IL1RAPL1: variants seen among roughly 807,000 people sequenced by gnomAD.
IL1RAPL1 encodes the protein interleukin 1 receptor accessory protein like 1.
IL1RAPL1 carries 3 observed loss-of-function variants against 48.4 expected under a neutral mutation model. The ratio of observed to expected loss-of-function variants is 0.06; its 90% CI spans 0.03 to 0.16. The LOEUF (loss-of-function observed/expected upper bound fraction) is 0.16. Among genes scored for constraint, IL1RAPL1 ranks in the 10% least tolerant of loss-of-function variants. IL1RAPL1 has a pLI of 1.00. For missense variants in IL1RAPL1, 349 were observed against 530.6 expected, an observed-to-expected ratio of 0.66 and a Z score of 3.36; for synonymous variants, 185 against 187.7, an observed-to-expected ratio of 0.99 and a Z score of 0.12.
intron 2 of IL1RAPL1, among the ~76,000 whole-genome samples, chrX:29,180,945 G>A (rs1294621724): frequency 1.8e-5 from 2 of 112,000 alleles, no homozygotes; most frequent in East Asian, 5.6e-4. Flanking sequence ...CAAAGAAACG[G>A]AGGGGTGGTG....
At chrX:29,381,690 C>G (rs1025845862) in intron 3 of IL1RAPL1, among the ~76,000 whole-genome samples, 1 of 102,864 alleles carries the variant, frequency 9.7e-6, no homozygotes, top group Non-Finnish European at 2.0e-5. Context: ...GTGGCACATT[C>G]CTGCAGTCTC....
chrX:29,426,993 C>CT (rs200767666), intron 5 of IL1RAPL1, among the ~76,000 whole-genome samples: 16 of 53,030 alleles, frequency 3.0e-4, no homozygotes, highest in East Asian at 2.9e-3. Context: ...TTTTAAAAAC[C>CT]TTTTTAAAAA....
In IL1RAPL1 at chrX:28,732,793, C is replaced by T. The variant is rs779574269; in HGVS notation, c.-24-56527C>T. On this transcript the variant is annotated intron_variant, in intron 1 of 10. Transcript: ENST00000378993. Reference sequence around the variant, plus strand: ...CTGAGGCAGGAGAATTGCTTGAACCCGGGAGGCAGAGGTTGCAGTGAGCCG... The same window carrying T: ...CTGAGGCAGGAGAATTGCTTGAACCTGGGAGGCAGAGGTTGCAGTGAGCCG... Among the ~76,000 whole-genome samples the T allele has an allele frequency of 2.2e-4, 24 of 110,997 alleles. No homozygotes were observed. The East Asian group carries it at 2.8e-3, about 13-fold the overall frequency.
intron 7 of IL1RAPL1, among the ~76,000 whole-genome samples, chrX:29,917,926 T>C (rs1932811437): frequency 1.9e-5 from 2 of 105,300 alleles, no homozygotes; most frequent in South Asian, 4.3e-4. Flanking sequence ...AGTTTGAGAC[T>C]AGCTTGGCCA....
chrX:28,769,228 A>T (rs745447640), intron 1 of IL1RAPL1, among the ~76,000 whole-genome samples: 1 of 110,662 alleles, frequency 9.0e-6, no homozygotes, highest in African/African-American at 3.3e-5. Context: ...TGGAAAAAGT[A>T]CTTTCCAGCT....
At chrX:29,652,483 G>A (rs1398063908) in intron 5 of IL1RAPL1, among the ~76,000 whole-genome samples, 1 of 111,319 alleles carries the variant, frequency 9.0e-6, no homozygotes, top group Non-Finnish European at 1.9e-5. Context: ...AAGAAAAGGA[G>A]GGGCATTCTA....
intron 2 of IL1RAPL1, among the ~76,000 whole-genome samples, chrX:29,170,602 T>C (rs1243048244): frequency 9.0e-6 from 1 of 111,487 alleles, no homozygotes; most frequent in African/African-American, 3.3e-5. Context: ...GAAATATGTT[T>C]AGTGAATATT....
At chrX:28,815,837 A>ATGTAAG (rs1936858175) in intron 2 of IL1RAPL1, among the ~76,000 whole-genome samples, 1 of 41,556 alleles carries the variant, frequency 2.4e-5, no homozygotes, top group African/African-American at 1.4e-4. Flanking sequence ...ATGTGTGTTT[A>ATGTAAG]TGTATATATA....
At position 29,414,244 on chromosome X, in the gene IL1RAPL1, TAAAAA is replaced by T. The variant is rs754252756; in HGVS notation, c.703+14940_703+14944del. 3.0e-3 allele frequency among the ~76,000 whole-genome samples: 333 copies of T among 110,249 alleles called. 4 individuals are homozygous for T. The highest frequency in any genetic ancestry group is 7.1e-3 in the Admixed American group (73 of 10,213). ...TTAGCAGAGATTCAGTTTGGGATGATAAAAAAAAGTTCAAGAGATGGATAAAGGTG... is the reference window on the plus strand; with the variant it reads ...TTAGCAGAGATTCAGTTTGGGATGATAAAGTTCAAGAGATGGATAAAGGTG... On this transcript the variant is annotated intron_variant, in intron 5 of 10. Transcript: ENST00000378993.
At chrX:28,996,226 T>G (rs1388586421) in intron 2 of IL1RAPL1, among the ~76,000 whole-genome samples, 1 of 111,732 alleles carries the variant, frequency 8.9e-6, no homozygotes, top group Non-Finnish European at 1.9e-5. Context: ...GTGTCCTTTG[T>G]GACTGGCTTC....
chrX:29,819,072 C>T (rs1272633057), intron 6 of IL1RAPL1, among the ~76,000 whole-genome samples: 3 of 111,611 alleles, frequency 2.7e-5, no homozygotes, highest in South Asian at 3.7e-4. Flanking sequence ...TAACATTCAA[C>T]GTAACAAAGG....
chrX:29,032,272 C>T (rs990344491), intron 2 of IL1RAPL1, among the ~76,000 whole-genome samples: 2 of 111,811 alleles, frequency 1.8e-5, no homozygotes, highest in Non-Finnish European at 3.8e-5. Flanking sequence ...TATTTTTAAC[C>T]CTCTATGTTG....
At chrX:29,547,858 TATGAC>T (rs1921678707) in intron 5 of IL1RAPL1, among the ~76,000 whole-genome samples, 1 of 112,455 alleles carries the variant, frequency 8.9e-6, no homozygotes, top group Non-Finnish European at 1.9e-5. Context: ...AGAAAAAAGA[TATGAC>T]AGACAAGTTG....
rs561716011 is a variant in IL1RAPL1, at chrX:28,919,584, G to T, written c.82+130159G>T. On this transcript the variant is annotated intron_variant, in intron 2 of 10. Coordinates refer to ENST00000378993, the MANE Select transcript of IL1RAPL1 (RefSeq NM_014271.4). ...TACCAGTCATTTGCACTTGAGTAAG[G>T]TACTTATCCCTTCTGAACTTCAGTT... is the stretch of plus-strand genomic sequence containing the variant. Among the ~76,000 whole-genome samples the T allele has an allele frequency of 4.5e-5, 5 of 111,824 alleles. No homozygotes were observed. The South Asian group carries it at 1.9e-3, about 42-fold the overall frequency.
chrX:29,102,441 C>T (rs762630226), intron 2 of IL1RAPL1, among the ~76,000 whole-genome samples: 11 of 111,390 alleles, frequency 9.9e-5, no homozygotes, highest in African/African-American at 2.9e-4. Context: ...CTGAGGCGGG[C>T]GGATCACCTG....
At chrX:28,960,187 G>T (rs1310890832) in intron 2 of IL1RAPL1, among the ~76,000 whole-genome samples, 2 of 111,654 alleles carry the variant, frequency 1.8e-5, no homozygotes, top group Non-Finnish European at 3.8e-5. Flanking sequence ...GATGATCGTA[G>T]ATTCCTGCTA....
chrX:29,552,890 GC>G (rs767982844), intron 5 of IL1RAPL1, among the ~76,000 whole-genome samples: 2 of 89,606 alleles, frequency 2.2e-5, no homozygotes, highest in African/African-American at 8.5e-5. Context: ...GTTGTGTCAA[GC>G]CTACTGATGA....
chrX:29,884,676 G>A (rs947600796), intron 6 of IL1RAPL1, among the ~76,000 whole-genome samples: 6 of 111,085 alleles, frequency 5.4e-5, no homozygotes, highest in African/African-American at 2.0e-4. Context: ...CGTCTCTGCT[G>A]GAATAGACAC....
At chrX:29,345,777 A>G (rs961876265) in intron 3 of IL1RAPL1, among the ~76,000 whole-genome samples, 1 of 111,569 alleles carries the variant, frequency 9.0e-6, no homozygotes, top group Non-Finnish European at 1.9e-5. Context: ...TGAATAGTCT[A>G]TGATAGAAAT....
Sources: gnomAD v4.1 joint callset for allele counts (sites outside exome capture counted in the v4.1 genomes callset) on GRCh38, gnomAD v4.1.1 for gene constraint, MANE v1.5 for transcripts, NCBI Gene and HGNC (gene_info 2026-07-23, HGNC 2026-07-21) for gene names.